Variants in CRTC1 observed in about 807,000 individuals in gnomAD.
The protein encoded by CRTC1 is CREB-regulated transcription coactivator 1.
CRTC1 carries 18 observed loss-of-function variants against 66.1 expected under a neutral mutation model. The ratio of observed to expected loss-of-function variants is 0.27; its 90% CI spans 0.19 to 0.40. The LOEUF is 0.40. Ranked by LOEUF, CRTC1 falls within the 10% of genes least tolerant of loss-of-function variation. The pLI is 1.00. For synonymous variants in CRTC1, 416 were observed against 398.8 expected, an observed-to-expected ratio of 1.04 and a Z score of -0.51; for missense variants, 669 against 887.9, an observed-to-expected ratio of 0.75 and a Z score of 3.13.
chr19:18,706,180 G>GTTTTTTTTTTTTTTTTTTTTTTTT, intron 1 of CRTC1, among the ~76,000 whole-genome samples: 1 of 26,362 alleles, frequency 3.8e-5, no homozygotes, highest in Admixed American at 4.5e-4. Context: ...TATTCCATTG[G>GTTTTTTTTTTTTTTTTTTTTTTTT]TCTTTTTTTT....
At chr19:18,719,432 C>T (rs546998493) in intron 1 of CRTC1, among the ~76,000 whole-genome samples, 3 of 152,298 alleles carry the variant, frequency 2.0e-5, no homozygotes, top group East Asian at 1.9e-4. Flanking sequence ...TCAAGGGGTA[C>T]CAGGTGGGCC....
chr19:18,756,251 T>TGA (rs1040173091), intron 6 of CRTC1, among the ~76,000 whole-genome samples: 1 of 145,108 alleles, frequency 6.9e-6, no homozygotes, highest in Non-Finnish European at 1.5e-5. Context: ...GAGAATTGCT[T>TGA]GAACCCGGGA....
Position 18,768,702 on chromosome 19 carries a change from C to A in CRTC1, c.1229C>A (p.Pro410Gln), listed in dbSNP as rs146555615. ...GCCAGCCTGACTCGTGGGCCACAGC[C>A]GCCCCCGCTTGCAGTCACGGTACCG... ...PSASLTRGPQ[P>Q]PPLAVTVPSS... Residue 410 changes from proline (P) to glutamine (Q), a missense_variant, in exon 10 of 14, where the codon CCG (proline) becomes CAG (glutamine). Pro to Gln is a moderately conservative substitution (Grantham distance 76, BLOSUM62 -1). Around this residue, in one of 8 missense-constraint regions of CRTC1, gnomAD observed 241 missense variants for 242.2 expected, o/e 0.99. Coordinates refer to ENST00000321949, the MANE Select transcript of CRTC1 (RefSeq NM_015321.3). The surrounding 1 kb of genome is among the most constrained non-coding windows in gnomAD (Gnocchi z 5.6). 1.3e-6 allele frequency: 2 copies of A among 1,587,188 alleles called. No homozygotes were observed. Among genetic ancestry groups the A allele is most frequent in the Non-Finnish European group, 1.7e-6 (2 of 1,168,250 alleles).
chr19:18,753,109 A>C (rs1046239996), intron 5 of CRTC1, among the ~76,000 whole-genome samples: 10 of 150,634 alleles, frequency 6.6e-5, no homozygotes, highest in Admixed American at 2.0e-4. Flanking sequence ...ACTAAAAATA[A>C]AAAAAATAAA....
intron 8 of CRTC1, among the ~76,000 whole-genome samples, chr19:18,763,584 A>G (rs2054662305): frequency 6.6e-6 from 1 of 152,210 alleles, no homozygotes; most frequent in Non-Finnish European, 1.5e-5. Context: ...TTGTTAAGTG[A>G]TGCTTGACTG....
chr19:18,712,509 C>T (rs971600061), intron 1 of CRTC1, among the ~76,000 whole-genome samples: 10 of 152,196 alleles, frequency 6.6e-5, no homozygotes, highest in Non-Finnish European at 1.2e-4. Flanking sequence ...ATCCGCCTGC[C>T]GTGGCCTCCC....
At chr19:18,687,980 G>A (rs569777944) in intron 1 of CRTC1, among the ~76,000 whole-genome samples, 2 of 152,206 alleles carry the variant, frequency 1.3e-5, no homozygotes, top group East Asian at 3.9e-4. Flanking sequence ...CCTCTGGGCC[G>A]TAGAATCCTG....
chr19:18,696,439 A>G (rs919573404), intron 1 of CRTC1, among the ~76,000 whole-genome samples: 5 of 152,148 alleles, frequency 3.3e-5, no homozygotes. Context: ...GCTAGAATCC[A>G]TGTATTTGTG....
At chr19:18,687,912 G>A (rs1207912538) in intron 1 of CRTC1, among the ~76,000 whole-genome samples, 2 of 152,132 alleles carry the variant, frequency 1.3e-5, no homozygotes, top group African/African-American at 2.4e-5. Context: ...TTGGGTCAGC[G>A]TGACAGGCAG....
intron 1 of CRTC1, among the ~76,000 whole-genome samples, chr19:18,715,231 T>C (rs1340788270): frequency 4.6e-5 from 7 of 152,168 alleles, no homozygotes; most frequent in Admixed American, 1.3e-4. Context: ...CCTTCTCCTC[T>C]CTTTTTTTTC....
At chr19:18,690,896 A>G (rs573466196) in intron 1 of CRTC1, among the ~76,000 whole-genome samples, 221 of 151,986 alleles carry the variant, frequency 1.5e-3, no homozygotes, top group Admixed American at 4.4e-3. Flanking sequence ...CGTGGTGGTG[A>G]GCGCCTGTAG....
At chr19:18,766,704 C>T (rs2054745284) in intron 9 of CRTC1, among the ~76,000 whole-genome samples, 1 of 152,224 alleles carries the variant, frequency 6.6e-6, no homozygotes, top group African/African-American at 2.4e-5. Flanking sequence ...ACCTCGGCCT[C>T]CCAAAGTGCT....
At chr19:18,712,486 C>G (rs981951670) in intron 1 of CRTC1, among the ~76,000 whole-genome samples, 13 of 151,964 alleles carry the variant, frequency 8.6e-5, no homozygotes, top group South Asian at 2.1e-4. Context: ...TCTAGAACTC[C>G]TGACCTCAGG....
At chr19:18,755,002 G>A (rs1400247592) in intron 6 of CRTC1, among the ~76,000 whole-genome samples, 1 of 149,378 alleles carries the variant, frequency 6.7e-6, no homozygotes, top group Non-Finnish European at 1.5e-5. Context: ...TTATTTTTTT[G>A]AGAAAGAGTC....
Position 18,683,830 on chromosome 19 carries a change from T to C in CRTC1, c.126+2T>C, listed in dbSNP as rs1568471087. ...CTGAGCCTGACGCGGGCCGCGCGGG[T>C]AAGGGGGCTGCCCGCGCCGACCCTT... On this transcript the variant is annotated splice_donor_variant, in intron 1 of 13. Transcript: ENST00000321949. LOFTEE classifies it high-confidence loss of function. The C allele has an allele frequency of 1.6e-6, 2 of 1,260,574 alleles. No homozygotes were observed. The highest frequency in any genetic ancestry group is 2.8e-5 in the Admixed American group (1 of 35,786). 78.1% of individuals were successfully genotyped at this position (1,260,574 alleles called of 1,614,324 possible).
chr19:18,760,136 A>C lies in CRTC1; in HGVS notation c.794A>C (p.Glu265Ala). The stretch of plus-strand genomic sequence containing the variant: ...CCGCTCCCGACCCCGCTGGACCCCG[A>C]GGAGCCCACCTTCCCTGCACTGAGC... ...PSPLPTPLDPEEPTFPALSSS... is the reference protein window; with the variant it reads ...PSPLPTPLDPAEPTFPALSSS... Residue 265 changes from glutamate to alanine, a missense_variant, in exon 8 of 14, where the codon GAG becomes GCG. This residue lies in a region of CRTC1 where 214 missense variants were observed against 323.4 expected (regional missense o/e 0.66). Transcript: ENST00000321949. This position sits in a 1 kb window ranked among gnomAD's most constrained non-coding sequence, Gnocchi z 6.2. The C allele has an allele frequency of 6.2e-7, 1 of 1,613,800 alleles. No individual in the cohort carries two copies. The highest frequency in any genetic ancestry group is 8.5e-7 in the Non-Finnish European group (1 of 1,179,868).
At chr19:18,694,840 G>T (rs1401592835) in intron 1 of CRTC1, among the ~76,000 whole-genome samples, 1 of 152,092 alleles carries the variant, frequency 6.6e-6, no homozygotes. Context: ...GGGGCTGGGG[G>T]TGGTTAGCAA....
At chr19:18,744,565 C>T (rs773572308) in intron 2 of CRTC1, among the ~76,000 whole-genome samples, 15 of 152,294 alleles carry the variant, frequency 9.8e-5, no homozygotes, top group Non-Finnish European at 1.6e-4. Context: ...CAGGACGTGG[C>T]GAGCCCGGGT....
chr19:18,767,687 C>T (rs1418718059), intron 9 of CRTC1, among the ~76,000 whole-genome samples: 2 of 152,208 alleles, frequency 1.3e-5, no homozygotes, highest in African/African-American at 4.8e-5. Flanking sequence ...GGCGCTGGCT[C>T]CTGGCAGCTG....
Sources: gnomAD v4.1 joint callset for allele counts (sites outside exome capture counted in the v4.1 genomes callset) on GRCh38, gnomAD v4.1.1 for gene constraint, gnomAD v4.1.1 regional missense constraint, Gnocchi (gnomAD v3.1) non-coding constraint, MANE v1.5 for transcripts, NCBI Gene and HGNC (gene_info 2026-07-23, HGNC 2026-07-21) for gene names.